The following STAU1 variants were observed in gnomAD, a reference collection of about 807,000 sequenced individuals.
The protein encoded by STAU1 is staufen double-stranded RNA binding protein 1.
Under a neutral mutation model 62.9 loss-of-function variants are expected in STAU1, and 13 were observed. The ratio of observed to expected loss-of-function variants is 0.21; its 90% CI spans 0.13 to 0.33. The LOEUF (loss-of-function observed/expected upper bound fraction) is 0.33, where lower values mean the gene tolerates loss of function less well. Ranked by LOEUF, STAU1 falls within the 10% of genes least tolerant of loss-of-function variation. STAU1 has a pLI of 1.00. For synonymous variants in STAU1, 269 were observed against 265.1 expected (o/e 1.01, Z -0.14); for missense variants, 571 against 712.1 (o/e 0.80, Z 2.25).
chr20:49,140,956 G>A (rs547856289), intron 5 of STAU1, among the ~76,000 whole-genome samples: 2 of 143,262 alleles, frequency 1.4e-5, no homozygotes, highest in East Asian at 2.0e-4. Flanking sequence ...AGAGCATCCA[G>A]AGTTTTTTTT....
At chr20:49,206,719 T>TATATA in the STAU1 span, among the ~76,000 whole-genome samples, 2 of 106,038 alleles carry the variant, frequency 1.9e-5, no homozygotes, top group East Asian at 6.8e-4. Flanking sequence ...AAATGAAATT[T>TATATA]TATATATATA....
intron 7 of STAU1, 84 bp downstream of exon 7, chr20:49,124,291 C>T (rs1209348335): frequency 2.8e-6 from 4 of 1,442,654 alleles, no homozygotes; most frequent in African/African-American, 1.4e-5. Flanking sequence ...TCCCCTTTCA[C>T]CTTGGGGACA....
chr20:49,133,288 AAG>A (rs2092792419), intron 6 of STAU1, among the ~76,000 whole-genome samples: 1 of 152,196 alleles, frequency 6.6e-6, no homozygotes, highest in Admixed American at 6.5e-5. Context: ...GGGTAGCAGC[AAG>A]AGTGAGCAGG....
the STAU1 span, among the ~76,000 whole-genome samples, chr20:49,209,198 G>A: frequency 2.0e-5 from 3 of 151,012 alleles, no homozygotes; most frequent in Non-Finnish European, 2.9e-5. Context: ...GCCTTCCAAA[G>A]CGCTGGGATT....
intron 7 of STAU1, among the ~76,000 whole-genome samples, chr20:49,124,129 G>A (rs2092535211): frequency 6.6e-6 from 1 of 152,210 alleles, no homozygotes. Context: ...GTGATCGCCA[G>A]GGCTGTGATG....
At chr20:49,124,795 CCAAA>C (rs911989244) in intron 6 of STAU1, among the ~76,000 whole-genome samples, 9 of 152,050 alleles carry the variant, frequency 5.9e-5, no homozygotes, top group African/African-American at 1.4e-4. Flanking sequence ...CTGGTGAGTC[CCAAA>C]CAGTCAGGCA....
intron 5 of STAU1, among the ~76,000 whole-genome samples, chr20:49,142,252 A>G (rs1372181244): frequency 2.0e-5 from 3 of 151,808 alleles, no homozygotes; most frequent in African/African-American, 7.3e-5. Context: ...ATGCCTGGCT[A>G]ATTTTTTGTA....
the STAU1 span, chr20:49,219,212 C>T: frequency 3.9e-6 from 3 of 769,164 alleles, no homozygotes; most frequent in Non-Finnish European, 6.2e-6. Context: ...CGTTTTGAGG[C>T]CGGAGACAAT....
chr20:49,196,789 A>G, the STAU1 span, among the ~76,000 whole-genome samples: 1 of 151,788 alleles, frequency 6.6e-6, no homozygotes. Flanking sequence ...AAAAAGAAAA[A>G]AAAAAAAAAG....
chr20:49,125,197 GC>G lies in STAU1; in HGVS notation c.610-611del, dbSNP rs1454863851. Among the ~76,000 whole-genome samples, 11 of 11,108 alleles carry G rather than the reference GC, an allele frequency of 9.9e-4. No individual in the cohort carries two copies. In the East Asian group the frequency reaches 0.012, roughly 12 times the overall value. The allele number at this position is 11,108 out of a possible 152,430, so 7.3% of individuals were successfully genotyped here. A position where few individuals can be genotyped will look rare whatever the true frequency, so the allele number is the denominator to read the frequency against. The stretch of plus-strand genomic sequence containing the variant: ...GACACACATTTATAAGCTCATTTTT[GC>G]AAAAAAAAAAAAAAAAAAAAAAAAA... On this transcript the variant is annotated intron_variant, in intron 6 of 13. Transcript: ENST00000371856.
At chr20:49,183,261 G>A (rs914153383) in intron 1 of STAU1, among the ~76,000 whole-genome samples, 2 of 152,198 alleles carry the variant, frequency 1.3e-5, no homozygotes, top group Non-Finnish European at 2.9e-5. Flanking sequence ...CCCATTCTGA[G>A]AGAAAAGCAA....
chr20:49,141,432 A>G (rs762115702), intron 5 of STAU1, among the ~76,000 whole-genome samples: 8 of 152,186 alleles, frequency 5.3e-5, no homozygotes, highest in Non-Finnish European at 8.8e-5. Context: ...TCTACAAAAA[A>G]ATTTTAAGAT....
intron 8 of STAU1, among the ~76,000 whole-genome samples, chr20:49,122,423 ACC>A (rs1381942727): frequency 2.0e-5 from 3 of 151,962 alleles, no homozygotes; most frequent in African/African-American, 7.3e-5. Flanking sequence ...AGCACCCACC[ACC>A]CCAGGACTCT....
chr20:49,154,173 T>C (rs1015252847), intron 3 of STAU1, 102 bp from the exon 4 acceptor site: 226 of 1,261,272 alleles, frequency 1.8e-4, no homozygotes, highest in Non-Finnish European at 2.3e-4. Context: ...GGATTCATGA[T>C]ACTTTACATA....
At chr20:49,200,035 G>A in the STAU1 span, among the ~76,000 whole-genome samples, 1 of 152,142 alleles carries the variant, frequency 6.6e-6, no homozygotes, top group Non-Finnish European at 1.5e-5. Context: ...TTGCTGATGG[G>A]AATGCAAAAT....
chr20:49,133,500 G>A (rs1240856030), intron 6 of STAU1, among the ~76,000 whole-genome samples: 1 of 152,128 alleles, frequency 6.6e-6, no homozygotes, highest in Non-Finnish European at 1.5e-5. Flanking sequence ...CCTGAAACAG[G>A]TGCCGGGGGA....
the STAU1 span, among the ~76,000 whole-genome samples, chr20:49,199,292 G>A: frequency 1.3e-5 from 2 of 151,034 alleles, no homozygotes; most frequent in Non-Finnish European, 3.0e-5. Context: ...TTGCAGTGGC[G>A]CGATCTCGGC....
chr20:49,116,988 A>C (rs1568811692), intron 12 of STAU1, 138 bp downstream of exon 12: 1 of 1,109,082 alleles, frequency 9.0e-7, no homozygotes, highest in Non-Finnish European at 1.3e-6. Context: ...AAATATGAAC[A>C]CTATCAAACG....
At chr20:49,155,897 C>T (rs982648158) in intron 3 of STAU1, among the ~76,000 whole-genome samples, 4 of 152,100 alleles carry the variant, frequency 2.6e-5, no homozygotes, top group African/African-American at 4.8e-5. Flanking sequence ...AGATTCCTTC[C>T]TACATACGAA....
Sources: allele counts gnomAD v4.1 joint callset (sites outside exome capture counted in the v4.1 genomes callset), GRCh38; gene constraint gnomAD v4.1.1; transcripts MANE v1.5; gene names NCBI Gene and HGNC (gene_info 2026-07-23, HGNC 2026-07-21).